The following GABRB3 variants were observed in gnomAD, a reference collection of about 807,000 sequenced individuals.
GABRB3 encodes the protein gamma-aminobutyric acid type A receptor subunit beta3.
Under a neutral mutation model 52.1 loss-of-function variants are expected in GABRB3, and 14 were observed. That is an observed-to-expected ratio of 0.27 (90% CI 0.18 to 0.42). The LOEUF is 0.42. Among genes scored for constraint, GABRB3 ranks in the 10% least tolerant of loss-of-function variants. The pLI is 1.00. For synonymous variants in GABRB3, 260 were observed against 232.3 expected, an observed-to-expected ratio of 1.12 and a Z score of -1.08; for missense variants, 307 against 609.1, an observed-to-expected ratio of 0.50 and a Z score of 5.22.
intron 5 of GABRB3, chr15:26,580,671 G>C: frequency 1.5e-6 from 1 of 666,994 alleles, no homozygotes; most frequent in Non-Finnish European, 2.6e-6. Flanking sequence ...GTACTGAAAA[G>C]TCGAGAGGCT....
At chr15:26,609,138 T>G (rs1891965134) in intron 4 of GABRB3, among the ~76,000 whole-genome samples, 1 of 144,808 alleles carries the variant, frequency 6.9e-6, no homozygotes, top group Non-Finnish European at 1.5e-5. Context: ...ACACACACAA[T>G]GGAATGCTAC....
intron 6 of GABRB3, among the ~76,000 whole-genome samples, chr15:26,574,108 G>C (rs1214307430): frequency 1.3e-5 from 2 of 152,116 alleles, no homozygotes; most frequent in Non-Finnish European, 2.9e-5. Context: ...CTGGGAAGAG[G>C]CTTTGAATAG....
intron 3 of GABRB3, chr15:26,629,253 C>A: frequency 7.9e-7 from 1 of 1,265,448 alleles, no homozygotes; most frequent in Non-Finnish European, 1.0e-6. Context: ...AAGCTTGGCC[C>A]CGAGAGGGAG....
intron 3 of GABRB3, among the ~76,000 whole-genome samples, chr15:26,764,165 AAAAAAAAAAAAAAAATATATATAT>A (rs1890907689): frequency 2.5e-5 from 1 of 39,940 alleles, no homozygotes; most frequent in African/African-American, 1.1e-4. Flanking sequence ...AAAAAAAAAA[AAAAAAAAAAAAAAAATATATATAT>A]ATATATATAT....
intron 3 of GABRB3, among the ~76,000 whole-genome samples, chr15:26,762,819 C>A (rs1011580979): frequency 6.6e-6 from 1 of 152,032 alleles, no homozygotes; most frequent in Admixed American, 6.6e-5. Flanking sequence ...TTCTATAGGA[C>A]GGTGTTCTCC....
At chr15:26,769,331 C>G (rs1891080675) in intron 3 of GABRB3, among the ~76,000 whole-genome samples, 1 of 152,190 alleles carries the variant, frequency 6.6e-6, no homozygotes, top group Non-Finnish European at 1.5e-5. Flanking sequence ...CTTCCAAGAT[C>G]AGTTATCCCT....
intron 8 of GABRB3, chr15:26,553,495 G>A (rs1450967389): frequency 1.3e-5 from 2 of 152,118 alleles, no homozygotes; most frequent in Non-Finnish European, 1.5e-5. Flanking sequence ...TGGGAATTAC[G>A]ATATCAGAAA....
At chr15:26,627,189 C>T (rs910851158) in intron 3 of GABRB3, among the ~76,000 whole-genome samples, 2 of 151,376 alleles carry the variant, frequency 1.3e-5, no homozygotes, top group Admixed American at 1.3e-4. Flanking sequence ...ATTTTTAACC[C>T]ACAGTTGAGA....
intron 3 of GABRB3, among the ~76,000 whole-genome samples, chr15:26,678,874 G>T (rs1167248638): frequency 6.6e-6 from 1 of 152,160 alleles, no homozygotes; most frequent in South Asian, 2.1e-4. Flanking sequence ...AATCAGAGGA[G>T]CCCAGTGATT....
intron 3 of GABRB3, among the ~76,000 whole-genome samples, chr15:26,694,789 T>C (rs572795167): frequency 2.6e-5 from 4 of 152,304 alleles, no homozygotes; most frequent in Non-Finnish European, 4.4e-5. Context: ...CTAATATGCT[T>C]AGGGCTCTAA....
chr15:26,709,955 C>A (rs942543584), intron 3 of GABRB3, among the ~76,000 whole-genome samples: 1 of 152,206 alleles, frequency 6.6e-6, no homozygotes, highest in South Asian at 2.1e-4. Context: ...TGCAGTCATT[C>A]TCTACTTTCA....
intron 3 of GABRB3, among the ~76,000 whole-genome samples, chr15:26,723,602 C>T (rs1485747989): frequency 6.6e-6 from 1 of 152,194 alleles, no homozygotes. Flanking sequence ...CACCTGACCT[C>T]CCAGCCATGG....
At chr15:26,651,127 G>T (rs56266476) in intron 3 of GABRB3, among the ~76,000 whole-genome samples, 16,470 of 152,250 alleles carry the variant, frequency 0.11, 981 homozygotes, top group Admixed American at 0.2. Flanking sequence ...CTGCCACAAG[G>T]GGCCAACTGA....
chr15:26,718,834 T>C (rs901192418), intron 3 of GABRB3, among the ~76,000 whole-genome samples: 3 of 151,862 alleles, frequency 2.0e-5, no homozygotes, highest in African/African-American at 7.2e-5. Flanking sequence ...ACTGCTGAAG[T>C]GTGGCCCTCT....
intron 8 of GABRB3, chr15:26,553,566 T>C (rs1223425564): frequency 2.0e-5 from 3 of 152,090 alleles, no homozygotes; most frequent in Non-Finnish European, 2.9e-5. Context: ...TTTAGAAAAA[T>C]GTTCTCTACA....
At chr15:26,557,648 A>G (rs1287987122) in intron 8 of GABRB3, 1 of 152,202 alleles carries the variant, frequency 6.6e-6, no homozygotes, top group Admixed American at 6.5e-5. Context: ...TCAAATATGC[A>G]TTTAGAATTA....
At chr15:26,554,526 T>C (rs1889681051) in intron 8 of GABRB3, among the ~76,000 whole-genome samples, 1 of 152,056 alleles carries the variant, frequency 6.6e-6, no homozygotes, top group Admixed American at 6.5e-5. Context: ...ATGACTCAGT[T>C]TTACCCGGCT....
chr15:26,653,082 G>C lies in GABRB3; in HGVS notation c.241-31548C>G, dbSNP rs958249301. On this transcript the variant is annotated intron_variant, in intron 3 of 8. Transcript: ENST00000311550. Reference sequence around the variant, plus strand: ...CTCCAACCTGCCTTCTTCATTCCTGGGAGTAGGCAGAACTAACTTAGGGAG... The same window carrying C: ...CTCCAACCTGCCTTCTTCATTCCTGCGAGTAGGCAGAACTAACTTAGGGAG... Among the ~76,000 whole-genome samples the C allele has an allele frequency of 6.6e-5, 10 of 152,212 alleles. No homozygotes were observed. The East Asian group carries it at 9.7e-4, about 15-fold the overall frequency.
chr15:26,609,282 T>C (rs1209777179), intron 4 of GABRB3, among the ~76,000 whole-genome samples: 1 of 151,998 alleles, frequency 6.6e-6, no homozygotes, highest in Non-Finnish European at 1.5e-5. Context: ...GATCTACAGT[T>C]GAACTCATAT....
Sources: gnomAD v4.1 joint callset for allele counts (sites outside exome capture counted in the v4.1 genomes callset) on GRCh38, gnomAD v4.1.1 for gene constraint, MANE v1.5 for transcripts, NCBI Gene and HGNC (gene_info 2026-07-23, HGNC 2026-07-21) for gene names.